The following STIM2 variants were observed in gnomAD, a reference collection of about 807,000 sequenced individuals.
STIM2 encodes the protein stromal interaction molecule 2.
A neutral mutation model predicts 85.8 loss-of-function variants in STIM2; 31 were observed. The ratio of observed to expected loss-of-function variants is 0.36; its 90% CI spans 0.27 to 0.49. The LOEUF is 0.49. Among genes scored for constraint, STIM2 ranks in the 20% least tolerant of loss-of-function variants. The pLI, the probability that STIM2 is intolerant of heterozygous loss-of-function variation, is 0.98. For synonymous variants in STIM2, 356 were observed against 331.1 expected, an observed-to-expected ratio of 1.08 and a Z score of -0.82; for missense variants, 841 against 927.6, an observed-to-expected ratio of 0.91 and a Z score of 1.21.
chr4:26,938,350 A>G (rs768263548), intron 2 of STIM2, among the ~76,000 whole-genome samples: 1 of 152,202 alleles, frequency 6.6e-6, no homozygotes, highest in Non-Finnish European at 1.5e-5. Context: ...ACAAACTTTC[A>G]GTTATAAGAT....
chr4:26,986,588 T>A (rs1288271001), intron 3 of STIM2, among the ~76,000 whole-genome samples: 1 of 152,204 alleles, frequency 6.6e-6, no homozygotes, highest in East Asian at 1.9e-4. Context: ...TTTATACTGA[T>A]TTGTTTATAT....
chr4:27,022,226 C>T (rs1340958587), intron 11 of STIM2, among the ~76,000 whole-genome samples: 1 of 151,986 alleles, frequency 6.6e-6, no homozygotes, highest in Non-Finnish European at 1.5e-5. Flanking sequence ...GCTGAATCAC[C>T]CGTAAAATTT....
At chr4:26,997,727 A>G (rs1413385654) in intron 4 of STIM2, among the ~76,000 whole-genome samples, 1 of 152,240 alleles carries the variant, frequency 6.6e-6, no homozygotes. Context: ...CTTTGGGGAT[A>G]CAGAGATACG....
At chr4:26,927,955 C>G (rs940966470) in intron 2 of STIM2, among the ~76,000 whole-genome samples, 3 of 150,404 alleles carry the variant, frequency 2.0e-5, no homozygotes, top group African/African-American at 7.3e-5. Flanking sequence ...ACTGGGTAAT[C>G]TATAATGAAC....
At chr4:26,988,493 A>G (rs1388586802) in intron 3 of STIM2, among the ~76,000 whole-genome samples, 1 of 152,198 alleles carries the variant, frequency 6.6e-6, no homozygotes, top group African/African-American at 2.4e-5. Flanking sequence ...TGCAAGTATG[A>G]CTAGACCATA....
At chr4:26,976,811 C>T (rs961008938) in intron 3 of STIM2, among the ~76,000 whole-genome samples, 3 of 151,684 alleles carry the variant, frequency 2.0e-5, no homozygotes, top group Non-Finnish European at 4.4e-5. Flanking sequence ...CTCAAAAAAA[C>T]AAAAAAAATT....
chr4:26,890,231 C>G (rs1193842309), intron 1 of STIM2, among the ~76,000 whole-genome samples: 1 of 152,156 alleles, frequency 6.6e-6, no homozygotes, highest in Non-Finnish European at 1.5e-5. Context: ...TAGTAGGAAA[C>G]TTCCCCTGAG....
rs555564106 is a variant in STIM2, at chr4:27,007,691, T to A, written c.1140T>A (p.Ala380=). Reference sequence around the variant, plus strand: ...ACGCTGAAATGCAGCTAGCTATTGCTAAAGATGAGGTACTCTCTTGTATTT... The same window carrying A: ...ACGCTGAAATGCAGCTAGCTATTGCAAAAGATGAGGTACTCTCTTGTATTT... Residue 380 remains alanine, a synonymous_variant, in exon 8 of 12, where the codon GCT becomes GCA. Coordinates refer to ENST00000467087, the MANE Select transcript of STIM2 (RefSeq NM_020860.4). The A allele has an allele frequency of 2.5e-6, 4 of 1,570,980 alleles. No homozygotes were observed. The South Asian group carries it at 4.8e-5, about 19-fold the overall frequency.
At chr4:26,885,723 G>T (rs1351747357) in intron 1 of STIM2, among the ~76,000 whole-genome samples, 2 of 149,808 alleles carry the variant, frequency 1.3e-5, no homozygotes, top group Non-Finnish European at 3.0e-5. Flanking sequence ...GTTTACCTTG[G>T]TTACCAGGCT....
chr4:26,921,622 C>A (rs1048162687), intron 2 of STIM2, among the ~76,000 whole-genome samples: 7 of 152,218 alleles, frequency 4.6e-5, no homozygotes, highest in Non-Finnish European at 8.8e-5. Flanking sequence ...AAATTAAGCT[C>A]CTGTGTTCTT....
chr4:27,015,663 A>G (rs1019031175), intron 10 of STIM2, among the ~76,000 whole-genome samples: 3 of 152,004 alleles, frequency 2.0e-5, no homozygotes, highest in African/African-American at 7.2e-5. Context: ...AGAAGTTTGT[A>G]GTCAGTCAAC....
intron 4 of STIM2, among the ~76,000 whole-genome samples, chr4:26,996,340 T>G (rs1361914996): frequency 2.6e-5 from 4 of 152,062 alleles, no homozygotes; most frequent in African/African-American, 4.8e-5. Flanking sequence ...CTTACAAGAT[T>G]GCTTCTTAAG....
intron 3 of STIM2, among the ~76,000 whole-genome samples, chr4:26,970,133 T>G (rs1726879477): frequency 2.7e-5 from 4 of 149,904 alleles, no homozygotes; most frequent in Admixed American, 2.0e-4. Context: ...TGGAGTGTAG[T>G]TAGATTCTCA....
Position 26,980,606 on chromosome 4 carries a change from A to G in STIM2, c.398-14773A>G, listed in dbSNP as rs187465907. ...ATTAGAAAAAGAAAAATAATCTGAA[A>G]CAGGTTGAGGGAAGATTGTTGTAAA... is the stretch of plus-strand genomic sequence containing the variant. On this transcript the variant is annotated intron_variant, in intron 3 of 11. Transcript: ENST00000467087. 7.1e-3 allele frequency among the ~76,000 whole-genome samples: 1,089 copies of G among 152,316 alleles called. 22 individuals are homozygous for G. Among genetic ancestry groups the G allele is most frequent in the African/African-American group, 0.025 (1,045 of 41,588 alleles).
chr4:26,985,098 C>T (rs1454558128), intron 3 of STIM2, among the ~76,000 whole-genome samples: 1 of 152,130 alleles, frequency 6.6e-6, no homozygotes, highest in African/African-American at 2.4e-5. Flanking sequence ...CACATTCTGG[C>T]ACTGTTCTAA....
rs115306328 is a variant in STIM2 at position 26,912,755 on chromosome 4, G to A, written c.152-6749G>A. On this transcript the variant is annotated intron_variant, in intron 1 of 11. Coordinates refer to ENST00000467087, the MANE Select transcript of STIM2 (RefSeq NM_020860.4). ...TATTCTATTACTTCTTGCCTAGACT[G>A]TTGTGATAGGCATTCTTTGGTAGCA... is the stretch of plus-strand genomic sequence containing the variant. Among the ~76,000 whole-genome samples, 599 of 152,256 alleles carry A rather than the reference G, an allele frequency of 3.9e-3. 5 individuals are homozygous for A. The highest frequency in any genetic ancestry group is 0.01 in the South Asian group (50 of 4,822).
chr4:26,912,791 G>A (rs1724391128), intron 1 of STIM2, among the ~76,000 whole-genome samples: 2 of 152,162 alleles, frequency 1.3e-5, no homozygotes, highest in Non-Finnish European at 2.9e-5. Flanking sequence ...AACATATGCT[G>A]TAGATTAAAA....
At chr4:26,991,672 C>T (rs942930979) in intron 3 of STIM2, among the ~76,000 whole-genome samples, 4 of 151,930 alleles carry the variant, frequency 2.6e-5, no homozygotes, top group Non-Finnish European at 5.9e-5. Context: ...TATCAAAATA[C>T]CATATGTACT....
At chr4:26,960,940 C>G (rs961370208) in intron 3 of STIM2, among the ~76,000 whole-genome samples, 2 of 151,404 alleles carry the variant, frequency 1.3e-5, no homozygotes, top group African/African-American at 4.9e-5. Flanking sequence ...GGTGCGCTCC[C>G]GTCATCCCAG....
Sources: gnomAD v4.1 joint callset for allele counts (sites outside exome capture counted in the v4.1 genomes callset) on GRCh38, gnomAD v4.1.1 for gene constraint, MANE v1.5 for transcripts, NCBI Gene and HGNC (gene_info 2026-07-23, HGNC 2026-07-21) for gene names.